Variants in MACF1 observed in about 807,000 individuals in gnomAD.
The protein encoded by MACF1 is microtubule actin crosslinking factor 1, also known as microtubule-actin cross-linking factor 1.
A neutral mutation model predicts 854.8 loss-of-function variants in MACF1; 193 were observed. That is an observed-to-expected ratio of 0.23 (90% CI 0.20 to 0.25). MACF1 has a LOEUF of 0.25. MACF1 is among the 10% of genes least tolerant of loss of function. MACF1 has a pLI of 1.00. For missense variants in MACF1, 7,722 were observed against 8,929.1 expected, an observed-to-expected ratio of 0.86 and a Z score of 5.45; for synonymous variants, 3,185 against 3,226.7, an observed-to-expected ratio of 0.99 and a Z score of 0.44.
chr1:39,245,789 T>A (rs762288046), intron 2 of MACF1, among the ~76,000 whole-genome samples: 1 of 152,206 alleles, frequency 6.6e-6, no homozygotes, highest in African/African-American at 2.4e-5. Context: ...CTCCTGATTT[T>A]TATTCCCTAT....
chr1:39,320,070 T>C (rs950618427), intron 31 of MACF1, among the ~76,000 whole-genome samples: 9 of 152,232 alleles, frequency 5.9e-5, no homozygotes, highest in African/African-American at 2.2e-4. Context: ...GGAAATAGTA[T>C]GGCCATTTTT....
chr1:39,464,264 G>A (rs144559452), intron 94 of MACF1: 1 of 153,048 alleles, frequency 6.5e-6, no homozygotes, highest in Non-Finnish European at 1.5e-5. Context: ...TCTGAAACAG[G>A]TCTCCTAAAA....
In MACF1 at chr1:39,477,133, T is replaced by TACACACACAC. The variant is rs1243959585; in HGVS notation, c.21959-2664_21959-2663insCACACACACA. Among the ~76,000 whole-genome samples, 530 of 98,886 alleles carry TACACACACAC rather than the reference T, an allele frequency of 5.4e-3. 37 individuals are homozygous for TACACACACAC. The highest frequency in any genetic ancestry group is 0.016 in the African/African-American group (373 of 23,094). The allele number at this position is 98,886 out of a possible 152,430, so 64.9% of individuals were successfully genotyped here. A position where few individuals can be genotyped will look rare whatever the true frequency, so the allele number is the denominator to read the frequency against. On this transcript the variant is annotated intron_variant, in intron 97 of 100. Transcript: ENST00000564288. ...TACACTTAGTGTATATATATATATATATACACACACACACACACACAGATG... is the reference window on the plus strand; with the variant it reads ...TACACTTAGTGTATATATATATATATACACACACACATACACACACACACACACACAGATG...
At chr1:39,339,831 A>T (rs1402500159) in intron 38 of MACF1, among the ~76,000 whole-genome samples, 2 of 152,088 alleles carry the variant, frequency 1.3e-5, no homozygotes, top group Non-Finnish European at 2.9e-5. Context: ...TTGTCATAGG[A>T]TTGGAGTCAC....
Position 39,324,354 on chromosome 1 carries a change from A to G in MACF1, c.4389+9A>G. 6.2e-7 allele frequency: 1 copy of G among 1,613,080 alleles called. No individual in the cohort carries two copies. Among genetic ancestry groups the G allele is most frequent in the Non-Finnish European group, 8.5e-7 (1 of 1,179,558 alleles). The stretch of plus-strand genomic sequence containing the variant: ...CTATTTTGGAACAGCAGGTGAGAAG[A>G]AGGTCCATCTCTGTTTACCTGGGTA... On this transcript the variant is annotated intron_variant, in intron 34 of 100. Coordinates refer to ENST00000564288, the MANE Select transcript of MACF1 (RefSeq NM_001394062.1).
chr1:39,411,305 C>A (rs965296502), intron 58 of MACF1: 1 of 1,614,028 alleles, frequency 6.2e-7, no homozygotes, highest in East Asian at 2.2e-5. Context: ...AGGGAAAAGA[C>A]TTTTCTGATG....
intron 6 of MACF1, among the ~76,000 whole-genome samples, chr1:39,271,442 T>C (rs897594750): frequency 8.5e-5 from 13 of 152,112 alleles, no homozygotes; most frequent in African/African-American, 2.7e-4. Flanking sequence ...TCATGAGAAA[T>C]CCACTTTCAT....
chr1:39,143,634 A>T (rs889765153), intron 2 of MACF1, among the ~76,000 whole-genome samples: 4 of 152,310 alleles, frequency 2.6e-5, no homozygotes, highest in African/African-American at 9.6e-5. Flanking sequence ...CTTCTTATGC[A>T]GGTTGCCCTT....
At chr1:39,437,548 G>A in intron 70 of MACF1, 3 of 468,016 alleles carry the variant, frequency 6.4e-6, no homozygotes, top group South Asian at 5.3e-5. Context: ...CTGACCTCAG[G>A]TGATCCACAC....
At chr1:39,428,600 T>C (rs555193449) in intron 63 of MACF1, among the ~76,000 whole-genome samples, 7 of 152,324 alleles carry the variant, frequency 4.6e-5, no homozygotes, top group Admixed American at 2.6e-4. Context: ...TTGAGCAGTT[T>C]TATGAAAGAT....
chr1:39,168,800 C>T (rs583829), intron 2 of MACF1, among the ~76,000 whole-genome samples: 18,993 of 151,944 alleles, frequency 0.12, 2,325 homozygotes, highest in African/African-American at 0.32. Flanking sequence ...CCTGATTGAT[C>T]GGTTGATCGT....
At chr1:39,280,685 C>T (rs1645526569) in intron 6 of MACF1, among the ~76,000 whole-genome samples, 1 of 152,112 alleles carries the variant, frequency 6.6e-6, no homozygotes. Flanking sequence ...TCAAGCGATT[C>T]TCGTGCCTCA....
At chr1:39,264,564 G>A (rs1271275297) in intron 6 of MACF1, among the ~76,000 whole-genome samples, 1 of 152,040 alleles carries the variant, frequency 6.6e-6, no homozygotes, top group East Asian at 1.9e-4. Context: ...CAAATAAATA[G>A]GCTGTAATGT....
At chr1:39,156,127 G>A (rs1053589543) in intron 2 of MACF1, among the ~76,000 whole-genome samples, 3 of 151,650 alleles carry the variant, frequency 2.0e-5, no homozygotes, top group Admixed American at 6.6e-5. Context: ...CGCCTGCCTC[G>A]GCCTCCCAAA....
intron 47 of MACF1, among the ~76,000 whole-genome samples, chr1:39,359,780 C>A (rs1647909591): frequency 6.6e-6 from 1 of 150,718 alleles, no homozygotes; most frequent in African/African-American, 2.4e-5. Context: ...ACCATCCTGG[C>A]CAAGAAGATG....
chr1:39,469,612 A>G lies in MACF1; in HGVS notation c.21955A>G (p.Ile7319Val). ...CTCTTCGATTTCCAGTCAGTCTCCC[A>G]TAGGTTGGCTTTTAAGCTTTGTCCC... ...SSSSISSQSP[I>V]ARGRTNIELR... The change falls in exon 97 of 101, where the codon ATA (isoleucine) becomes GTA (valine). Residue 7319 changes from isoleucine to valine, a missense_variant. Physicochemically the swap from Ile to Val is conservative, Grantham distance 29 (BLOSUM62 3). This residue lies in a region of MACF1 where 153 missense variants were observed against 342.5 expected (regional missense o/e 0.45). Coordinates refer to ENST00000564288, the MANE Select transcript of MACF1 (RefSeq NM_001394062.1). 6.4e-7 allele frequency: 1 copy of G among 1,550,446 alleles called. No individual in the cohort carries two copies.
At chr1:39,234,254 T>C (rs1351895669) in intron 2 of MACF1, among the ~76,000 whole-genome samples, 4 of 152,236 alleles carry the variant, frequency 2.6e-5, no homozygotes, top group East Asian at 3.9e-4. Flanking sequence ...CTCCTTTCTA[T>C]TCCACAAAGC....
In MACF1 at chr1:39,464,899, G is replaced by A. The variant is rs1387022995; in HGVS notation, c.21754-196G>A. On this transcript the variant is annotated intron_variant, in intron 94 of 100. Coordinates refer to ENST00000564288, the MANE Select transcript of MACF1 (RefSeq NM_001394062.1). ...ACTGCACTCCAGCCTGGGCAACAGAGCGAGACTCTCAAAAAAAAAAAAAAA... is the reference window on the plus strand; with the variant it reads ...ACTGCACTCCAGCCTGGGCAACAGAACGAGACTCTCAAAAAAAAAAAAAAA... 5 of 533,972 alleles carry A rather than the reference G, an allele frequency of 9.4e-6. No homozygotes were observed. The Admixed American group carries it at 1.3e-4, about 14-fold the overall frequency. 33.1% of individuals were successfully genotyped at this position (533,972 alleles called of 1,614,324 possible). A position where few individuals can be genotyped will look rare whatever the true frequency, so the allele number is the denominator to read the frequency against.
Position 39,318,587 on chromosome 1 carries a change from T to G in MACF1, c.3917T>G (p.Val1306Gly), listed in dbSNP as rs764767495. ...MKPGQAEDSRVLSEQLSQQTA... is the reference protein window; with the variant it reads ...MKPGQAEDSRGLSEQLSQQTA... ...CCAGGCCAGGCAGAGGATAGCAGAGTGCTTTCGGAGCAGCTCAGCCAGCAG... is the reference window on the plus strand; with the variant it reads ...CCAGGCCAGGCAGAGGATAGCAGAGGGCTTTCGGAGCAGCTCAGCCAGCAG... The change falls in exon 30 of 101, where the codon GTG (valine) becomes GGG (glycine). Residue 1306 changes from valine (V) to glycine (G), a missense_variant. By Grantham distance (109) the Val-to-Gly change is moderately radical (BLOSUM62 -3). Transcript: ENST00000564288. 1 of 1,612,124 alleles carries G rather than the reference T, an allele frequency of 6.2e-7. No individual in the cohort carries two copies. Among genetic ancestry groups the G allele is most frequent in the South Asian group, 1.1e-5 (1 of 90,836 alleles).
Sources: allele counts gnomAD v4.1 joint callset (sites outside exome capture counted in the v4.1 genomes callset), GRCh38; gene constraint gnomAD v4.1.1; regional missense constraint gnomAD v4.1.1; transcripts MANE v1.5; gene names NCBI Gene and HGNC (gene_info 2026-07-23, HGNC 2026-07-21).